Variants in SPIDR observed in about 807,000 individuals in gnomAD.
SPIDR encodes the protein DNA repair-scaffolding protein.
SPIDR carries 93 observed loss-of-function variants against 104.6 expected under a neutral mutation model. The observed-to-expected ratio is 0.89, with a 90% CI of 0.75 to 1.06. The LOEUF (loss-of-function observed/expected upper bound fraction) is 1.06, where lower values mean the gene tolerates loss of function less well. SPIDR is among the 50% of genes least tolerant of loss of function. The pLI is 0.00. For synonymous variants in SPIDR, 431 were observed against 416.9 expected, an observed-to-expected ratio of 1.03 and a Z score of -0.41; for missense variants, 1,154 against 1,111.2, an observed-to-expected ratio of 1.04 and a Z score of -0.55.
chr8:47,494,931 C>A (rs2079217410), intron 8 of SPIDR, among the ~76,000 whole-genome samples: 2 of 152,126 alleles, frequency 1.3e-5, no homozygotes, highest in Admixed American at 1.3e-4. Context: ...TTTATGTTTT[C>A]ACCCCAGTGA....
At chr8:47,734,878 A>T (rs1383181786) in intron 19 of SPIDR, among the ~76,000 whole-genome samples, 1 of 152,198 alleles carries the variant, frequency 6.6e-6, no homozygotes, top group African/African-American at 2.4e-5. Flanking sequence ...GAATCCTATT[A>T]AGGAAGGAAG....
chr8:47,667,696 T>C (rs1012164739), intron 10 of SPIDR: 2 of 151,888 alleles, frequency 1.3e-5, no homozygotes, highest in South Asian at 4.2e-4. Flanking sequence ...GTGGTAAAAC[T>C]GATAAAGAGA....
At chr8:47,417,041 G>A (rs1269350285) in intron 7 of SPIDR, among the ~76,000 whole-genome samples, 1 of 152,116 alleles carries the variant, frequency 6.6e-6, no homozygotes, top group Non-Finnish European at 1.5e-5. Flanking sequence ...GGACATTTGG[G>A]TTGGTTCCAA....
chr8:47,483,134 T>G (rs967738276), intron 8 of SPIDR, among the ~76,000 whole-genome samples: 2 of 139,944 alleles, frequency 1.4e-5, no homozygotes, highest in South Asian at 3.1e-4. Context: ...CTTGGTTTTT[T>G]TTTGTTTGTT....
At chr8:47,503,640 G>C (rs554448176) in intron 8 of SPIDR, among the ~76,000 whole-genome samples, 1 of 152,230 alleles carries the variant, frequency 6.6e-6, no homozygotes, top group South Asian at 2.1e-4. Flanking sequence ...TCACATTTAA[G>C]GTTAATATTG....
chr8:47,547,272 ACCCT>A, intron 8 of SPIDR: 1 of 597,342 alleles, frequency 1.7e-6, no homozygotes, highest in South Asian at 1.4e-5. Context: ...CAGCAAAGCA[ACCCT>A]TGGTGTCATA....
intron 7 of SPIDR, among the ~76,000 whole-genome samples, chr8:47,410,830 C>T (rs1554670798): frequency 6.6e-6 from 1 of 152,100 alleles, no homozygotes; most frequent in Non-Finnish European, 1.5e-5. Flanking sequence ...CCACAACAGG[C>T]CTCAGTGTGT....
chr8:47,299,876 C>T (rs1186118784), intron 5 of SPIDR, among the ~76,000 whole-genome samples: 2 of 152,182 alleles, frequency 1.3e-5, no homozygotes, highest in Non-Finnish European at 2.9e-5. Flanking sequence ...AGGATTTTTG[C>T]ATCGATGTTC....
chr8:47,431,636 T>C (rs527712567), intron 7 of SPIDR, among the ~76,000 whole-genome samples: 10 of 152,324 alleles, frequency 6.6e-5, no homozygotes, highest in South Asian at 2.1e-4. Context: ...TGAAAACTTT[T>C]TGATCGCCTG....
chr8:47,347,458 T>C (rs1258682950), intron 5 of SPIDR, among the ~76,000 whole-genome samples: 4 of 152,214 alleles, frequency 2.6e-5, no homozygotes, highest in Non-Finnish European at 5.9e-5. Context: ...AGATGTCTAT[T>C]AGGTCCACTA....
At chr8:47,285,696 T>C (rs2038703603) in intron 3 of SPIDR, among the ~76,000 whole-genome samples, 2 of 152,204 alleles carry the variant, frequency 1.3e-5, no homozygotes, top group South Asian at 2.1e-4. Context: ...CTTATAAGGA[T>C]TTCAGTCATC....
chr8:47,663,073 T>G (rs372354618), intron 10 of SPIDR, among the ~76,000 whole-genome samples: 1 of 152,228 alleles, frequency 6.6e-6, no homozygotes, highest in Non-Finnish European at 1.5e-5. Context: ...TCTTCTAGCC[T>G]CCTTCCAGTT....
intron 8 of SPIDR, among the ~76,000 whole-genome samples, chr8:47,562,088 G>A (rs2057155947): frequency 6.6e-6 from 1 of 151,974 alleles, no homozygotes; most frequent in African/African-American, 2.4e-5. Context: ...TCCTTTATAT[G>A]TATCTTAGAG....
chr8:47,281,452 T>C (rs1719187917), intron 2 of SPIDR, among the ~76,000 whole-genome samples: 2 of 152,364 alleles, frequency 1.3e-5, no homozygotes, highest in South Asian at 4.1e-4. Context: ...TTCCAAAGCC[T>C]GACACTGCTT....
At chr8:47,610,865 A>C (rs1563309302) in intron 10 of SPIDR, among the ~76,000 whole-genome samples, 1 of 152,378 alleles carries the variant, frequency 6.6e-6, no homozygotes, top group East Asian at 1.9e-4. Flanking sequence ...ATGCTTGATT[A>C]TATAGTGAGA....
chr8:47,665,492 AT>A (rs1192099185), intron 10 of SPIDR, among the ~76,000 whole-genome samples: 1 of 152,216 alleles, frequency 6.6e-6, no homozygotes, highest in East Asian at 1.9e-4. Flanking sequence ...AGACCTAATT[AT>A]TAGCTGCAGA....
intron 4 of SPIDR, 28 bp from the exon 5 acceptor site, chr8:47,293,839 T>A: frequency 6.3e-7 from 1 of 1,581,796 alleles, no homozygotes; most frequent in Non-Finnish European, 8.6e-7. Context: ...AGGAGATAAT[T>A]AAGCAAGTTA....
At chr8:47,337,737 G>A (rs369619649) in intron 5 of SPIDR, among the ~76,000 whole-genome samples, 27 of 151,406 alleles carry the variant, frequency 1.8e-4, no homozygotes, top group African/African-American at 3.9e-4. Flanking sequence ...TGTATGGTCC[G>A]TTTTGAATTA....
chr8:47,322,110 G>A (rs1009164182), intron 5 of SPIDR, among the ~76,000 whole-genome samples: 5 of 152,052 alleles, frequency 3.3e-5, no homozygotes, highest in African/African-American at 7.2e-5. Context: ...CTAATTAAAC[G>A]AAAGAGCTTC....
Sources: gnomAD v4.1 joint callset for allele counts (sites outside exome capture counted in the v4.1 genomes callset) on GRCh38, gnomAD v4.1.1 for gene constraint, MANE v1.5 for transcripts, NCBI Gene and HGNC (gene_info 2026-07-23, HGNC 2026-07-21) for gene names.